Variants in CFAP47 observed in about 807,000 individuals in gnomAD.
CFAP47 encodes the protein cilia and flagella associated protein 47, also known as cilia- and flagella-associated protein 47.
In CFAP47, 29 loss-of-function variants were observed where a neutral mutation model predicts 148.1. The observed-to-expected ratio is 0.20, with a 90% CI of 0.15 to 0.27. CFAP47 has a LOEUF of 0.27. Ranked by LOEUF, CFAP47 falls within the 10% of genes least tolerant of loss-of-function variation. The pLI is 1.00. For synonymous variants in CFAP47, 664 were observed against 577.3 expected, an observed-to-expected ratio of 1.15 and a Z score of -2.15; for missense variants, 1,872 against 1,697.5, an observed-to-expected ratio of 1.10 and a Z score of -1.81.
At chrX:36,233,744 G>C (rs1400526416) in intron 46 of CFAP47, among the ~76,000 whole-genome samples, 5 of 111,285 alleles carry the variant, frequency 4.5e-5, no homozygotes, top group African/African-American at 1.6e-4. Flanking sequence ...ATTTTGCAGT[G>C]GCTGGTACCG....
rs191107249 is a variant in CFAP47, at chrX:36,174,279, T to G, written c.6027-5066T>G. Reference sequence around the variant, plus strand: ...AATTTGCCAGTCTGTGTCTTTTAATTGGAGCATACAGTCCATTTACATTTA... The same window carrying G: ...AATTTGCCAGTCTGTGTCTTTTAATGGGAGCATACAGTCCATTTACATTTA... On this transcript the variant is annotated intron_variant, in intron 39 of 63. Transcript: ENST00000378653. Among the ~76,000 whole-genome samples the G allele has an allele frequency of 1.0e-3, 114 of 111,089 alleles. 1 individual carries two copies. The highest frequency in any genetic ancestry group is 3.5e-3 in the African/African-American group (107 of 30,538).
At chrX:36,317,411 T>C (rs1190951114) in intron 56 of CFAP47, among the ~76,000 whole-genome samples, 4 of 110,146 alleles carry the variant, frequency 3.6e-5, no homozygotes, top group African/African-American at 1.3e-4. Context: ...TTTTGTGTTT[T>C]TTTTTTCTTT....
rs782431398 is a variant in CFAP47, at chrX:36,245,682, A to G, written c.7333-5651A>G. ...AATGTGAAACACGCTCTAAGGGTAC[A>G]GTAACCAACACAGCATAGTACTGAT... On this transcript the variant is annotated intron_variant, in intron 48 of 63. Coordinates refer to ENST00000378653, the MANE Select transcript of CFAP47 (RefSeq NM_001304548.2). 3.6e-5 allele frequency among the ~76,000 whole-genome samples: 4 copies of G among 111,946 alleles called. No individual in the cohort carries two copies. In the East Asian group the frequency reaches 1.1e-3, roughly 31 times the overall value.
intron 33 of CFAP47, among the ~76,000 whole-genome samples, chrX:36,118,561 C>T (rs1423258536): frequency 9.0e-6 from 1 of 110,757 alleles, no homozygotes; most frequent in Non-Finnish European, 1.9e-5. Flanking sequence ...GCTCTGCCTC[C>T]CGGGTTTACA....
chrX:36,026,981 C>A lies in CFAP47; in HGVS notation c.3557-4272C>A, dbSNP rs189688636. The stretch of plus-strand genomic sequence containing the variant: ...AAATCTGTTATTTTTCTTCTATATC[C>A]ATTATATGCTACTCAGTGTTTCCTC... On this transcript the variant is annotated intron_variant, in intron 22 of 63. Coordinates refer to ENST00000378653, the MANE Select transcript of CFAP47 (RefSeq NM_001304548.2). 6.5e-5 allele frequency among the ~76,000 whole-genome samples: 7 copies of A among 107,507 alleles called. 1 individual carries two copies. In the South Asian group the frequency reaches 2.8e-3, roughly 43 times the overall value. The allele number at this position is 107,507 out of a possible 115,157, so 93.4% of individuals were successfully genotyped here.
At chrX:36,197,522 A>C (rs1289424531) in intron 42 of CFAP47, among the ~76,000 whole-genome samples, 3 of 112,204 alleles carry the variant, frequency 2.7e-5, no homozygotes, top group Non-Finnish European at 3.8e-5. Context: ...TCAGTCTTTA[A>C]CTGATGCATT....
intron 2 of CFAP47, among the ~76,000 whole-genome samples, chrX:35,931,673 G>A (rs770788401): frequency 1.8e-5 from 2 of 111,286 alleles, no homozygotes; most frequent in South Asian, 7.4e-4. Context: ...TATTTATACT[G>A]TTTTGTGTGC....
At chrX:36,197,462 G>A (rs1261843488) in intron 42 of CFAP47, among the ~76,000 whole-genome samples, 6 of 111,877 alleles carry the variant, frequency 5.4e-5, no homozygotes, top group South Asian at 3.6e-4. Context: ...ATAAAACAAC[G>A]AATTTTTAGG....
In CFAP47 at chrX:35,989,497, T is replaced by C. The variant is rs6629027; in HGVS notation, c.2844+48T>C. 2.5e-6 allele frequency: 3 copies of C among 1,210,270 alleles called. No homozygotes were observed. The South Asian group carries it at 5.3e-5, about 21-fold the overall frequency. ...GTTTTTGTTTTGAGGGCTATGAATT[T>C]GTTGGGTATACACTGGTGTATATAG... On this transcript the variant is annotated intron_variant, in intron 16 of 63. Transcript: ENST00000378653.
chrX:36,110,850 A>G (rs900559830), intron 33 of CFAP47, among the ~76,000 whole-genome samples: 2 of 111,124 alleles, frequency 1.8e-5, no homozygotes, highest in Non-Finnish European at 3.8e-5. Context: ...TAGGTGTTTT[A>G]TACTTTTTGT....
intron 39 of CFAP47, among the ~76,000 whole-genome samples, chrX:36,166,598 A>G (rs1175348627): frequency 9.0e-6 from 1 of 111,147 alleles, no homozygotes; most frequent in African/African-American, 3.3e-5. Context: ...TCAATCTGAT[A>G]CCTGGGTTAC....
chrX:36,216,501 T>C (rs138857378), intron 45 of CFAP47, among the ~76,000 whole-genome samples: 6,467 of 111,296 alleles, frequency 0.058, 164 homozygotes, highest in Middle Eastern at 0.13. Context: ...ACCCAATGGG[T>C]TCTCCTTGCC....
At chrX:35,955,163 G>C (rs1208171043) in intron 7 of CFAP47, among the ~76,000 whole-genome samples, 1 of 111,727 alleles carries the variant, frequency 9.0e-6, no homozygotes, top group South Asian at 3.7e-4. Context: ...ATTTCCATAA[G>C]AATATCTACT....
Position 36,372,251 on chromosome X carries a change from TA to T in CFAP47, c.9185+5129del, listed in dbSNP as rs201550551. Among the ~76,000 whole-genome samples, 715 of 110,884 alleles carry T rather than the reference TA, an allele frequency of 6.4e-3. 6 individuals are homozygous for T. The highest frequency in any genetic ancestry group is 0.022 in the African/African-American group (660 of 30,624). On this transcript the variant is annotated intron_variant, in intron 62 of 63. Transcript: ENST00000378653. ...AAACTTGATATGAATTTATACTCATTAAAAATTTTGTGGATTTAGAACATCT... is the reference window on the plus strand; with the variant it reads ...AAACTTGATATGAATTTATACTCATTAAAATTTTGTGGATTTAGAACATCT...
intron 57 of CFAP47, among the ~76,000 whole-genome samples, chrX:36,330,196 G>A (rs781884296): frequency 9.1e-6 from 1 of 109,661 alleles, no homozygotes; most frequent in Non-Finnish European, 1.9e-5. Flanking sequence ...TATTCACTAG[G>A]CAAAACTAGA....
In CFAP47 at chrX:35,961,540, T is replaced by G. The variant is rs1173668399; in HGVS notation, c.1411-5025T>G. ...ATTATTCATTTTTTCTTGGGTCAGT[T>G]TCAGTAGTTTATGTCTTTCTCTTTA... On this transcript the variant is annotated intron_variant, in intron 8 of 63. Transcript: ENST00000378653. Among the ~76,000 whole-genome samples, 2 of 111,240 alleles carry G rather than the reference T, an allele frequency of 1.8e-5. 1 individual carries two copies. The highest frequency in any genetic ancestry group is 3.8e-5 in the Non-Finnish European group (2 of 52,889).
At chrX:35,964,459 T>G (rs775685140) in intron 8 of CFAP47, among the ~76,000 whole-genome samples, 1 of 111,337 alleles carries the variant, frequency 9.0e-6, no homozygotes, top group Non-Finnish European at 1.9e-5. Context: ...TTTACCCTGC[T>G]TGGGTTTTGT....
At chrX:36,072,017 A>G (rs948627036) in intron 28 of CFAP47, 46 bp downstream of exon 28, 4 of 995,650 alleles carry the variant, frequency 4.0e-6, no homozygotes, top group Non-Finnish European at 5.5e-6. Context: ...AGTCCATGAC[A>G]TGATCTCCTT....
chrX:36,376,128 A>G (rs1223332073), intron 62 of CFAP47, among the ~76,000 whole-genome samples: 1 of 112,120 alleles, frequency 8.9e-6, no homozygotes, highest in East Asian at 2.8e-4. Context: ...GTCTTCACAG[A>G]CTGGCTTTCT....
Sources: allele counts gnomAD v4.1 joint callset (sites outside exome capture counted in the v4.1 genomes callset), GRCh38; gene constraint gnomAD v4.1.1; transcripts MANE v1.5; gene names NCBI Gene and HGNC (gene_info 2026-07-23, HGNC 2026-07-21).